KIF5A: variants seen among roughly 807,000 people sequenced by gnomAD.
KIF5A encodes the protein kinesin family member 5A, also known as kinesin heavy chain isoform 5A.
KIF5A carries 35 observed loss-of-function variants against 141.3 expected under a neutral mutation model. The observed-to-expected ratio is 0.25, with a 90% CI of 0.19 to 0.33. The LOEUF is 0.33. Among genes scored for constraint, KIF5A ranks in the 10% least tolerant of loss-of-function variants. The probability of loss-of-function intolerance (pLI) is 1.00; values close to 1 mark genes in which losing one functional copy is unlikely to be tolerated. For synonymous variants in KIF5A, 448 were observed against 500.2 expected (o/e 0.90, Z 1.39); for missense variants, 861 against 1,314.3 (o/e 0.66, Z 5.33).
Position 57,582,546 on chromosome 12 carries a change from A to T in KIF5A, c.2993-56A>T, listed in dbSNP as rs1882636997. ...AGGGTTTGCGCAAACTGTTTCTAAC[A>T]CCCAATCTCCTTTTTTCTTCTTCTA... On this transcript the variant is annotated intron_variant, in intron 26 of 28. Coordinates refer to ENST00000455537, the MANE Select transcript of KIF5A (RefSeq NM_004984.4). The T allele has an allele frequency of 1.7e-5, 24 of 1,438,746 alleles. 1 individual carries two copies. The South Asian group carries it at 2.6e-4, about 16-fold the overall frequency. 89.1% of individuals were successfully genotyped at this position (1,438,746 alleles called of 1,614,324 possible).
intron 1 of KIF5A, among the ~76,000 whole-genome samples, chr12:57,551,006 C>T (rs1881554689): frequency 6.6e-6 from 1 of 152,096 alleles, no homozygotes; most frequent in South Asian, 2.1e-4. Context: ...TGGGGGGAGC[C>T]TCTGGAATCC....
chr12:57,571,275 A>G, intron 12 of KIF5A, 46 bp from the exon 13 acceptor site: 1 of 1,154,966 alleles, frequency 8.7e-7, no homozygotes, highest in Non-Finnish European at 1.3e-6. Context: ...TCTAAACTGG[A>G]AGGAGTAGCT....
Position 57,567,590 on chromosome 12 carries a change from A to G in KIF5A, c.686A>G (p.Tyr229Cys). Residue 229 changes from tyrosine to cysteine, a missense_variant, in exon 8 of 29, where the codon TAT (tyrosine) becomes TGT (cysteine). By Grantham distance (194) the Tyr-to-Cys change is radical (BLOSUM62 -2). Around this residue, in one of 5 missense-constraint regions of KIF5A, gnomAD observed 146 missense variants for 353.4 expected, o/e 0.41. Coordinates refer to ENST00000455537, the MANE Select transcript of KIF5A (RefSeq NM_004984.4). ...ETEQKLSGKL[Y>C]LVDLAGSEKV... ...GAGCAGAAGCTCAGTGGGAAGCTGT[A>G]TCTGGTGGACCTGGCAGGGAGTGAG... 6.2e-7 allele frequency: 1 copy of G among 1,606,600 alleles called. No individual in the cohort carries two copies. The highest frequency in any genetic ancestry group is 8.5e-7 in the Non-Finnish European group (1 of 1,175,674).
chr12:57,573,828 C>G (rs1372276639), intron 15 of KIF5A, among the ~76,000 whole-genome samples: 17 of 65,244 alleles, frequency 2.6e-4, no homozygotes, highest in Admixed American at 3.5e-4. Context: ...AACTCCGTCT[C>G]AAAAAAAAAA....
rs2140175179 is a variant in KIF5A at position 57,586,187 on chromosome 12, G to A, written c.*2006G>A. ...GGAAGGAAGGTTCCTGTGGGCCTGT[G>A]GACTTAGGCTAATATTTGCTGTCAG... is the stretch of plus-strand genomic sequence containing the variant. On this transcript the variant is annotated 3_prime_UTR_variant, in exon 29 of 29. Coordinates refer to ENST00000455537, the MANE Select transcript of KIF5A (RefSeq NM_004984.4). The A allele has an allele frequency of 6.6e-6, 1 of 152,188 alleles. No homozygotes were observed. The highest frequency in any genetic ancestry group is 6.5e-5 in the Admixed American group (1 of 15,280). 9.4% of individuals were successfully genotyped at this position (152,188 alleles called of 1,614,324 possible).
chr12:57,555,908 CAAAAAA>C (rs763843453), intron 1 of KIF5A, among the ~76,000 whole-genome samples: 2,834 of 92,286 alleles, frequency 0.031, 38 homozygotes, highest in East Asian at 0.055. Context: ...AACTCTATCT[CAAAAAA>C]AAAAAAAAAA....
At chr12:57,560,841 A>C (rs999694863) in intron 1 of KIF5A, among the ~76,000 whole-genome samples, 39 of 151,826 alleles carry the variant, frequency 2.6e-4, no homozygotes, top group Non-Finnish European at 5.7e-4. Flanking sequence ...GCCTCTACAA[A>C]AAATAAACAA....
At chr12:57,551,129 C>T (rs1009322854) in intron 1 of KIF5A, among the ~76,000 whole-genome samples, 11 of 152,050 alleles carry the variant, frequency 7.2e-5, no homozygotes, top group Non-Finnish European at 1.5e-4. Flanking sequence ...TCAGTACCTG[C>T]TTATTCATCC....
chr12:57,579,496 T>A (rs1239161901), intron 23 of KIF5A, among the ~76,000 whole-genome samples: 1 of 152,128 alleles, frequency 6.6e-6, no homozygotes, highest in Non-Finnish European at 1.5e-5. Flanking sequence ...TAGTAAATAT[T>A]CAGTACTTTT....
At chr12:57,564,878 G>A (rs765111569) in intron 5 of KIF5A, 40 bp from the exon 6 acceptor site, 4 of 1,596,958 alleles carry the variant, frequency 2.5e-6, no homozygotes, top group Non-Finnish European at 3.4e-6. Flanking sequence ...GGGGGCGGTG[G>A]AAGTACTAGT....
chr12:57,564,148 G>A lies in KIF5A; in HGVS notation c.332G>A (p.Arg111Gln), dbSNP rs1161615188. Residue 111 changes from arginine (R) to glutamine (Q), a missense_variant, in exon 4 of 29, where the codon CGA becomes CAA. Arg to Gln is a conservative substitution (Grantham distance 43). Coordinates refer to ENST00000455537, the MANE Select transcript of KIF5A (RefSeq NM_004984.4). ...CCTCAGCTGATGGGAATCATTCCTCGAATTGCCCGAGACATCTTCAACCAC... is the reference window on the plus strand; with the variant it reads ...CCTCAGCTGATGGGAATCATTCCTCAAATTGCCCGAGACATCTTCAACCAC... Reference protein sequence around the residue: ...HDPQLMGIIPRIARDIFNHIY... With the variant: ...HDPQLMGIIPQIARDIFNHIY... 1 of 1,614,070 alleles carries A rather than the reference G, an allele frequency of 6.2e-7. No individual in the cohort carries two copies. Among genetic ancestry groups the A allele is most frequent in the South Asian group, 1.1e-5 (1 of 91,076 alleles).
Position 57,550,494 on chromosome 12 carries a change from C to A in KIF5A, c.129+94C>A. On this transcript the variant is annotated intron_variant, in intron 1 of 28. Coordinates refer to ENST00000455537, the MANE Select transcript of KIF5A (RefSeq NM_004984.4). This position sits in a 1 kb window ranked among gnomAD's most constrained non-coding sequence, Gnocchi z 4.6. ...CTTAGTCTCTGCTGGTCCCTTTGCT[C>A]CCCCTCCCCGCCGCTCATCCTTCAT... 7.7e-7 allele frequency: 1 copy of A among 1,301,348 alleles called. No individual in the cohort carries two copies. The highest frequency in any genetic ancestry group is 1.1e-6 in the Non-Finnish European group (1 of 919,960). The allele number at this position is 1,301,348 out of a possible 1,614,324, so 80.6% of individuals were successfully genotyped here.
At chr12:57,552,077 G>A (rs1148551) in intron 1 of KIF5A, among the ~76,000 whole-genome samples, 1,717 of 152,264 alleles carry the variant, frequency 0.011, 16 homozygotes, top group Non-Finnish European at 0.014. Context: ...AGAGTGTCCT[G>A]GATAGCCAGC....
intron 1 of KIF5A, among the ~76,000 whole-genome samples, chr12:57,558,197 G>T (rs2140155503): frequency 6.6e-6 from 1 of 152,260 alleles, no homozygotes; most frequent in Non-Finnish European, 1.5e-5. Flanking sequence ...TTGAGGTCAG[G>T]AGTTCGAGAC....
chr12:57,554,085 G>A (rs1341134965), intron 1 of KIF5A, among the ~76,000 whole-genome samples: 1 of 152,092 alleles, frequency 6.6e-6, no homozygotes, highest in Non-Finnish European at 1.5e-5. Flanking sequence ...ATGCCCAAAT[G>A]TGAGGAGGGG....
At chr12:57,568,923 G>C (rs750772018) in intron 8 of KIF5A, 40 bp from the exon 9 acceptor site, 1 of 1,404,512 alleles carries the variant, frequency 7.1e-7, no homozygotes, top group South Asian at 1.2e-5. Context: ...CTCTCCATGT[G>C]CAGCTGCTCA....
chr12:57,573,619 C>A (rs897887272), intron 15 of KIF5A, among the ~76,000 whole-genome samples: 3 of 151,644 alleles, frequency 2.0e-5, no homozygotes, highest in African/African-American at 7.3e-5. Context: ...CACCTGAGGT[C>A]AGGAGTTCGA....
chr12:57,581,105 G>C lies in KIF5A; in HGVS notation c.2688G>C (p.Glu896Asp). ...AGGACAAGCGCCGGTACCAGCAGGA[G>C]GTGGACCGCATCAAGGAGGCCGTTC... ...AMKDKRRYQQ[E>D]VDRIKEAVRY... The change falls in exon 24 of 29, where the codon GAG (glutamate) becomes GAC (aspartate). Residue 896 changes from glutamate to aspartate, a missense_variant. This residue lies in a region of KIF5A where 482 missense variants were observed against 661.3 expected (regional missense o/e 0.73). Coordinates refer to ENST00000455537, the MANE Select transcript of KIF5A (RefSeq NM_004984.4). 6.2e-7 allele frequency: 1 copy of C among 1,614,182 alleles called. No homozygotes were observed. The highest frequency in any genetic ancestry group is 8.5e-7 in the Non-Finnish European group (1 of 1,180,034).
rs373785602 is a variant in KIF5A, at chr12:57,569,532, C to A, written c.969-3C>A. Reference sequence around the variant, plus strand: ...TTTCTTTGTTCCTCTTCTCCTCACCCAGGGCAAAGACCATTAAGAACACTG... The same window carrying A: ...TTTCTTTGTTCCTCTTCTCCTCACCAAGGGCAAAGACCATTAAGAACACTG... On this transcript the variant is annotated splice_region_variant and splice_polypyrimidine_tract_variant and intron_variant, in intron 10 of 28. Coordinates refer to ENST00000455537, the MANE Select transcript of KIF5A (RefSeq NM_004984.4). The A allele has an allele frequency of 6.2e-7, 1 of 1,614,106 alleles. No individual in the cohort carries two copies. The highest frequency in any genetic ancestry group is 1.3e-5 in the African/African-American group (1 of 75,034).
Sources: gnomAD v4.1 joint callset for allele counts (sites outside exome capture counted in the v4.1 genomes callset) on GRCh38, gnomAD v4.1.1 for gene constraint, gnomAD v4.1.1 regional missense constraint, Gnocchi (gnomAD v3.1) non-coding constraint, MANE v1.5 for transcripts, NCBI Gene and HGNC (gene_info 2026-07-23, HGNC 2026-07-21) for gene names.